SVOP: variants seen among roughly 807,000 people sequenced by gnomAD.
SVOP encodes SV2 related protein, also known as synaptic vesicle 2-related protein.
A neutral mutation model predicts 69.1 loss-of-function variants in SVOP; 17 were observed. The ratio of observed to expected loss-of-function variants is 0.25; its 90% CI spans 0.17 to 0.37. The LOEUF is 0.37. SVOP is among the 10% of genes least tolerant of loss of function. SVOP has a pLI of 1.00. For missense variants in SVOP, 435 were observed against 597.5 expected, an observed-to-expected ratio of 0.73 and a Z score of 2.84; for synonymous variants, 238 against 238.6, an observed-to-expected ratio of 1.00 and a Z score of 0.02.
intron 14 of SVOP, among the ~76,000 whole-genome samples, chr12:108,917,486 G>T (rs2039721054): frequency 6.6e-6 from 1 of 152,084 alleles, no homozygotes; most frequent in African/African-American, 2.4e-5. Context: ...GATATCTTTG[G>T]AATGTATCTT....
intron 9 of SVOP, among the ~76,000 whole-genome samples, chr12:108,938,330 G>A (rs2039868196): frequency 1.3e-5 from 2 of 152,246 alleles, no homozygotes; most frequent in African/African-American, 4.8e-5. Flanking sequence ...CATATACTAG[G>A]TGCTCATTAA....
At chr12:108,982,638 TCATCAC>T (rs1441919620) in intron 2 of SVOP, among the ~76,000 whole-genome samples, 3 of 151,508 alleles carry the variant, frequency 2.0e-5, no homozygotes, top group Admixed American at 2.0e-4. Flanking sequence ...ACTATCATCA[TCATCAC>T]CATCACCATC....
intron 4 of SVOP, among the ~76,000 whole-genome samples, chr12:108,972,884 AG>A (rs2040087158): frequency 6.6e-6 from 1 of 152,198 alleles, no homozygotes; most frequent in African/African-American, 2.4e-5. Context: ...GGCATACAGG[AG>A]GCTGGCATGG....
chr12:108,994,649 G>A (rs1045498299), intron 1 of SVOP, among the ~76,000 whole-genome samples: 1 of 152,172 alleles, frequency 6.6e-6, no homozygotes, highest in African/African-American at 2.4e-5. Context: ...CGGCAAGCTC[G>A]CCCAAGGTCA....
chr12:108,915,269 A>G (rs945765406), intron 15 of SVOP, among the ~76,000 whole-genome samples: 1 of 151,908 alleles, frequency 6.6e-6, no homozygotes, highest in Non-Finnish European at 1.5e-5. Flanking sequence ...GTTTGGGGGT[A>G]CAAATGACCC....
intron 1 of SVOP, among the ~76,000 whole-genome samples, chr12:109,004,864 A>C (rs2040296350): frequency 1.3e-5 from 2 of 151,660 alleles, no homozygotes; most frequent in Admixed American, 6.6e-5. Flanking sequence ...CATCCCCCCG[A>C]GTAGCTGGGA....
chr12:108,975,058 C>T (rs1170828579), intron 4 of SVOP, among the ~76,000 whole-genome samples: 1 of 152,106 alleles, frequency 6.6e-6, no homozygotes, highest in Non-Finnish European at 1.5e-5. Context: ...TAATTCTTTT[C>T]TAGATTAACC....
At position 108,975,794 on chromosome 12, in the gene SVOP, C is replaced by T. The variant is rs549455663; in HGVS notation, c.381+1604G>A. 4.8e-4 allele frequency among the ~76,000 whole-genome samples: 73 copies of T among 152,196 alleles called. 1 individual carries two copies. Among genetic ancestry groups the T allele is most frequent in the African/African-American group, 1.7e-3 (70 of 41,516 alleles). ...TCGGCTCTCTGCAAACTCAGCCTCC[C>T]GGGTTCAAGTGATTCTCCTGCCTCA... is the stretch of plus-strand genomic sequence containing the variant. On this transcript the variant is annotated intron_variant, in intron 4 of 15. Transcript: ENST00000610966.
intron 1 of SVOP, among the ~76,000 whole-genome samples, chr12:108,997,318 G>A (rs1023354417): frequency 1.3e-5 from 2 of 152,206 alleles, no homozygotes; most frequent in South Asian, 2.1e-4. Context: ...CTACGCCCAC[G>A]GAGTCTCGCT....
intron 1 of SVOP, among the ~76,000 whole-genome samples, chr12:109,001,950 T>C (rs2040273425): frequency 7.5e-6 from 1 of 132,838 alleles, no homozygotes; most frequent in Non-Finnish European, 1.6e-5. Context: ...AAAGACAAAA[T>C]TGACAAATGG....
chr12:108,942,298 T>A (rs1208854770), intron 7 of SVOP, among the ~76,000 whole-genome samples: 1 of 152,256 alleles, frequency 6.6e-6, no homozygotes, highest in African/African-American at 2.4e-5. Context: ...ATAACACGGC[T>A]ATAAACGTGG....
At chr12:108,996,589 G>A (rs1465218579) in intron 1 of SVOP, among the ~76,000 whole-genome samples, 2 of 151,936 alleles carry the variant, frequency 1.3e-5, no homozygotes, top group Admixed American at 6.6e-5. Flanking sequence ...AAACTTAAGT[G>A]TGGTTCTGAA....
At position 109,020,835 on chromosome 12, in the gene SVOP, G is replaced by A. The variant is rs2040393881; in HGVS notation, c.34C>T (p.Pro12Ser). 1.4e-6 allele frequency: 1 copy of A among 697,478 alleles called. No individual in the cohort carries two copies. Among genetic ancestry groups the A allele is most frequent in the Non-Finnish European group, 2.6e-6 (1 of 378,918 alleles). The allele number at this position is 697,478 out of a possible 1,614,324, so 43.2% of individuals were successfully genotyped here. ...CTTGCTCGCCCCCATGATACTCACG[G>A]CAGCTGCCTTAGCTGGAATAAGTCC... ...EEDLFQLRQL[P>S]VVKFRRTGES... The change falls in exon 1 of 16, where the codon CCG (proline) becomes TCG (serine). Residue 12 changes from proline to serine, a missense_variant and splice_region_variant. Coordinates refer to ENST00000610966, the MANE Select transcript of SVOP (RefSeq NM_018711.5).
chr12:108,937,827 T>C (rs2039865448), intron 9 of SVOP, among the ~76,000 whole-genome samples: 1 of 152,246 alleles, frequency 6.6e-6, no homozygotes, highest in Non-Finnish European at 1.5e-5. Context: ...AATTCACAAA[T>C]TTATCAAACT....
At chr12:108,947,191 G>A (rs139981513) in intron 6 of SVOP, among the ~76,000 whole-genome samples, 67 of 152,170 alleles carry the variant, frequency 4.4e-4, no homozygotes, top group African/African-American at 1.6e-3. Flanking sequence ...CCCAGCCCTG[G>A]AGTCTGTCAT....
At chr12:109,009,706 C>A (rs141632763) in intron 1 of SVOP, among the ~76,000 whole-genome samples, 1 of 152,130 alleles carries the variant, frequency 6.6e-6, no homozygotes, top group Non-Finnish European at 1.5e-5. Flanking sequence ...TGAGCCATGG[C>A]GCCTGGCCCT....
intron 6 of SVOP, among the ~76,000 whole-genome samples, chr12:108,956,320 T>G (rs945186920): frequency 9.8e-5 from 14 of 142,274 alleles, no homozygotes; most frequent in Non-Finnish European, 1.1e-4. Flanking sequence ...AAAAAAAGAA[T>G]TAGCATTACC....
intron 14 of SVOP, 105 bp from the exon 15 acceptor site, chr12:108,915,977 G>T: frequency 1.8e-6 from 2 of 1,095,166 alleles, no homozygotes; most frequent in Non-Finnish European, 2.5e-6. Context: ...GGAAGTCAGG[G>T]CAAATCCCTC....
chr12:108,996,300 G>A (rs139372893), intron 1 of SVOP, among the ~76,000 whole-genome samples: 207 of 152,234 alleles, frequency 1.4e-3, no homozygotes, highest in African/African-American at 4.5e-3. Flanking sequence ...GCTCATGCCT[G>A]TAGTCCCCAC....
Sources: allele counts gnomAD v4.1 joint callset (sites outside exome capture counted in the v4.1 genomes callset), GRCh38; gene constraint gnomAD v4.1.1; transcripts MANE v1.5; gene names NCBI Gene and HGNC (gene_info 2026-07-23, HGNC 2026-07-21).